RPS6KA2: variants seen among roughly 807,000 people sequenced by gnomAD.
The protein encoded by RPS6KA2 is ribosomal protein S6 kinase A2, also known as ribosomal protein S6 kinase alpha-2.
Under a neutral mutation model 91.8 loss-of-function variants are expected in RPS6KA2, and 42 were observed. The observed-to-expected ratio is 0.46, with a 90% CI of 0.36 to 0.59. The LOEUF (loss-of-function observed/expected upper bound fraction) is 0.59. RPS6KA2 is among the 20% of genes least tolerant of loss of function. The pLI is 0.00. For synonymous variants in RPS6KA2, 414 were observed against 393.6 expected (o/e 1.05, Z -0.61); for missense variants, 798 against 978.5 (o/e 0.82, Z 2.46).
intron 2 of RPS6KA2, among the ~76,000 whole-genome samples, chr6:166,799,132 T>C (rs1245155777): frequency 6.6e-6 from 1 of 152,252 alleles, no homozygotes; most frequent in Non-Finnish European, 1.5e-5. Context: ...TTCCCATTTA[T>C]GTGAACAAGT....
chr6:166,438,173 T>A (rs111528482), intron 14 of RPS6KA2, among the ~76,000 whole-genome samples: 5 of 152,376 alleles, frequency 3.3e-5, no homozygotes, highest in Middle Eastern at 3.4e-3. Flanking sequence ...GAGAAAGAAC[T>A]CCTGTTTTAT....
chr6:166,702,731 T>C, intron 2 of RPS6KA2: 1 of 1,260,468 alleles, frequency 7.9e-7, no homozygotes, highest in Non-Finnish European at 1.2e-6. Flanking sequence ...GCGTAGCCAA[T>C]CTTCACCAGG....
At chr6:166,806,128 A>C (rs1390618419) in intron 2 of RPS6KA2, among the ~76,000 whole-genome samples, 2 of 152,220 alleles carry the variant, frequency 1.3e-5, no homozygotes, top group African/African-American at 4.8e-5. Context: ...GTACCTGTGG[A>C]ACACCCTTAA....
At chr6:166,723,055 A>G (rs1288062511) in intron 2 of RPS6KA2, among the ~76,000 whole-genome samples, 1 of 152,232 alleles carries the variant, frequency 6.6e-6, no homozygotes, top group Non-Finnish European at 1.5e-5. Flanking sequence ...AGACTACAGT[A>G]AAAGAGCCCA....
intron 2 of RPS6KA2, among the ~76,000 whole-genome samples, chr6:166,755,057 T>C (rs887929748): frequency 6.6e-6 from 1 of 152,184 alleles, no homozygotes; most frequent in African/African-American, 2.4e-5. Context: ...AGAAAATCTA[T>C]AATCCTGTGC....
intron 2 of RPS6KA2, among the ~76,000 whole-genome samples, chr6:166,703,747 A>C (rs1196435221): frequency 6.6e-6 from 1 of 152,260 alleles, no homozygotes; most frequent in Non-Finnish European, 1.5e-5. Context: ...GCAAGGCTGC[A>C]CTGACTGACT....
At chr6:166,530,532 A>T (rs977793378) in intron 3 of RPS6KA2, among the ~76,000 whole-genome samples, 2 of 152,116 alleles carry the variant, frequency 1.3e-5, no homozygotes, top group African/African-American at 4.8e-5. Context: ...TGTAACTAAT[A>T]AGCTGCTGTC....
chr6:166,450,500 C>A (rs1378167121), intron 13 of RPS6KA2, among the ~76,000 whole-genome samples: 4 of 149,848 alleles, frequency 2.7e-5, no homozygotes, highest in Non-Finnish European at 5.9e-5. Context: ...TGGGAGACCA[C>A]CATGGGGACC....
At position 166,829,408 on chromosome 6, in the gene RPS6KA2, A is replaced by G. The variant is rs375453458; in HGVS notation, c.123+28792T>C. On this transcript the variant is annotated intron_variant, in intron 2 of 21. Coordinates refer to the RPS6KA2 transcript ENST00000503859. ...AGATGGAGACCATCCTGGCTAACAC[A>G]GAGAAACCCCGTCTCTACTAAATAT... 1.4e-4 allele frequency among the ~76,000 whole-genome samples: 22 copies of G among 151,942 alleles called. No individual in the cohort carries two copies. The East Asian group carries it at 2.5e-3, about 17-fold the overall frequency.
chr6:166,489,770 T>TC (rs1212276969), intron 9 of RPS6KA2, among the ~76,000 whole-genome samples: 2 of 152,034 alleles, frequency 1.3e-5, no homozygotes, highest in Non-Finnish European at 2.9e-5. Flanking sequence ...CTTCCTTCAC[T>TC]CCCCTCTCTC....
rs1001608967 is a variant in RPS6KA2, at chr6:166,656,082, C to G, written c.124-117298G>C. On this transcript the variant is annotated intron_variant, in intron 2 of 21. Coordinates refer to the RPS6KA2 transcript ENST00000503859. ...CACACCTCTAAACACAGGGGAAGCT[C>G]ACGCCTAGAACCGTGAACAAAGGAA... Among the ~76,000 whole-genome samples the G allele has an allele frequency of 5.9e-5, 9 of 152,218 alleles. No individual in the cohort carries two copies. The South Asian group carries it at 6.2e-4, about 11-fold the overall frequency.
chr6:166,649,379 C>T (rs1482293208), intron 2 of RPS6KA2, among the ~76,000 whole-genome samples: 1 of 152,214 alleles, frequency 6.6e-6, no homozygotes, highest in Non-Finnish European at 1.5e-5. Flanking sequence ...CACTTTATAA[C>T]CACTGCAGTA....
In RPS6KA2 at chr6:166,423,217, G is replaced by T; in HGVS notation, c.1743+39C>A. ...GGGAGGGGGCAGAGCCTGTCTTTGCGGATAGAGAGGCCTGGGTCTGCAGTC... is the reference window on the plus strand; with the variant it reads ...GGGAGGGGGCAGAGCCTGTCTTTGCTGATAGAGAGGCCTGGGTCTGCAGTC... On this transcript the variant is annotated intron_variant, in intron 17 of 20. Coordinates refer to ENST00000265678, the MANE Select transcript of RPS6KA2 (RefSeq NM_021135.6). This position sits in a 1 kb window ranked among gnomAD's most constrained non-coding sequence, Gnocchi z 4.8. 1 of 1,575,168 alleles carries T rather than the reference G, an allele frequency of 6.3e-7. No homozygotes were observed.
intron 2 of RPS6KA2, among the ~76,000 whole-genome samples, chr6:166,707,715 C>T (rs1390185709): frequency 6.6e-6 from 1 of 152,090 alleles, no homozygotes; most frequent in Non-Finnish European, 1.5e-5. Context: ...TACTTATCTT[C>T]AGAGAGTAAT....
chr6:166,447,436 G>A (rs548818907), intron 14 of RPS6KA2, among the ~76,000 whole-genome samples: 2 of 152,188 alleles, frequency 1.3e-5, no homozygotes, highest in East Asian at 3.9e-4. Context: ...AGATAAATTT[G>A]TCAATAATCC....
chr6:166,858,793 G>A (rs1025848673), intron 1 of RPS6KA2, among the ~76,000 whole-genome samples: 2 of 152,214 alleles, frequency 1.3e-5, no homozygotes, highest in African/African-American at 4.8e-5. Context: ...AGGTTTAAGT[G>A]GAACCATCTG....
intron 2 of RPS6KA2, among the ~76,000 whole-genome samples, chr6:166,836,907 G>A (rs1224068415): frequency 6.6e-6 from 1 of 152,180 alleles, no homozygotes; most frequent in East Asian, 1.9e-4. Context: ...AGCTGACCAG[G>A]CCTCGCTGCT....
chr6:166,640,652 A>T (rs1229097405), intron 2 of RPS6KA2, among the ~76,000 whole-genome samples: 3 of 152,218 alleles, frequency 2.0e-5, no homozygotes, highest in Non-Finnish European at 4.4e-5. Flanking sequence ...CTTCTAATGA[A>T]GTGTGGCTGG....
chr6:166,708,864 C>T (rs754027338), intron 2 of RPS6KA2, among the ~76,000 whole-genome samples: 5 of 152,102 alleles, frequency 3.3e-5, no homozygotes, highest in Non-Finnish European at 7.4e-5. Flanking sequence ...TTTTCATGGG[C>T]AATACATGAT....
Sources: allele counts gnomAD v4.1 joint callset (sites outside exome capture counted in the v4.1 genomes callset), GRCh38; gene constraint gnomAD v4.1.1; non-coding constraint Gnocchi (gnomAD v3.1); transcripts MANE v1.5; gene names NCBI Gene and HGNC (gene_info 2026-07-23, HGNC 2026-07-21).